The following LATS2 variants were observed in gnomAD, a reference collection of about 807,000 sequenced individuals.
LATS2 encodes the protein serine/threonine-protein kinase LATS2.
LATS2 carries 24 observed loss-of-function variants against 76.0 expected under a neutral mutation model. That is an observed-to-expected ratio of 0.32 (90% CI 0.23 to 0.44). The LOEUF (loss-of-function observed/expected upper bound fraction) is 0.44. LATS2 is among the 20% of genes least tolerant of loss of function. The pLI is 1.00. For missense variants in LATS2, 1,286 were observed against 1,481.2 expected (o/e 0.87, Z 2.16); for synonymous variants, 692 against 635.4 (o/e 1.09, Z -1.34).
intron 2 of LATS2, among the ~76,000 whole-genome samples, chr13:21,019,316 A>ATTC (rs1246498582): frequency 3.4e-5 from 5 of 146,248 alleles, no homozygotes; most frequent in Admixed American, 2.1e-4. Context: ...TATTATTATT[A>ATTC]TTATTATTAT....
intron 3 of LATS2, among the ~76,000 whole-genome samples, chr13:20,990,718 G>A (rs939946771): frequency 6.6e-6 from 1 of 152,000 alleles, no homozygotes; most frequent in Admixed American, 6.6e-5. Flanking sequence ...GCTCCATCTT[G>A]GGAAAGTAAC....
In LATS2 at chr13:20,973,805, G is replaced by GT. The variant is rs1276395223; in HGVS notation, c.*1064dup. Reference sequence around the variant, plus strand: ...GTGTGGGCAGTCTGTCAGTAAAAAGGTAAGTAGTAGGGTCAGAGGTATGGC... The same window carrying GT: ...GTGTGGGCAGTCTGTCAGTAAAAAGGTTAAGTAGTAGGGTCAGAGGTATGGC... On this transcript the variant is annotated 3_prime_UTR_variant, in exon 8 of 8. Transcript: ENST00000382592. 11 of 229,992 alleles carry GT rather than the reference G, an allele frequency of 4.8e-5. No homozygotes were observed. The highest frequency in any genetic ancestry group is 2.3e-4 in the Admixed American group (4 of 17,648). The allele number at this position is 229,992 out of a possible 1,614,324, so 14.2% of individuals were successfully genotyped here. A position where few individuals can be genotyped will look rare whatever the true frequency, so the allele number is the denominator to read the frequency against.
Position 20,988,621 on chromosome 13 carries a change from C to G in LATS2, c.1159G>C (p.Glu387Gln). Reference protein sequence around the residue: ...RRDSLQKPGLEAPPRAHVAFR... With the variant: ...RRDSLQKPGLQAPPRAHVAFR... ...GCCACGTGCGCGCGCGGCGGCGCCTCCAGGCCCGGCTTCTGCAGGGAGTCC... is the reference window on the plus strand; with the variant it reads ...GCCACGTGCGCGCGCGGCGGCGCCTGCAGGCCCGGCTTCTGCAGGGAGTCC... The change falls in exon 4 of 8, where the codon GAG (glutamate) becomes CAG (glutamine). Residue 387 changes from glutamate to glutamine, a missense_variant. Glu to Gln is a conservative substitution (Grantham distance 29). Transcript: ENST00000382592. 1 of 1,588,710 alleles carries G rather than the reference C, an allele frequency of 6.3e-7. No individual in the cohort carries two copies.
At chr13:21,040,568 G>C (rs1872842689) in intron 2 of LATS2, among the ~76,000 whole-genome samples, 1 of 152,174 alleles carries the variant, frequency 6.6e-6, no homozygotes, top group African/African-American at 2.4e-5. Flanking sequence ...ATATGTCAGA[G>C]AGACCCAAAG....
At chr13:21,020,401 C>G (rs1188378872) in intron 2 of LATS2, among the ~76,000 whole-genome samples, 1 of 152,188 alleles carries the variant, frequency 6.6e-6, no homozygotes, top group Non-Finnish European at 1.5e-5. Flanking sequence ...GAAAGAAAGC[C>G]AAAGCCTCAC....
chr13:21,017,201 C>T (rs998125520), intron 2 of LATS2, among the ~76,000 whole-genome samples: 4 of 152,186 alleles, frequency 2.6e-5, no homozygotes, highest in Non-Finnish European at 5.9e-5. Flanking sequence ...ATTAATCATC[C>T]AACTGTGCAG....
chr13:21,042,592 T>A lies in LATS2; in HGVS notation c.342+3093A>T, dbSNP rs892510781. On this transcript the variant is annotated intron_variant, in intron 2 of 7. Transcript: ENST00000382592. ...GTCCCAGCTACTTCAGAGGCTGAGG[T>A]AGGAGGATTGCTTGAGCCTGGAAGG... 2.0e-5 allele frequency among the ~76,000 whole-genome samples: 3 copies of A among 150,840 alleles called. No homozygotes were observed. In the South Asian group the frequency reaches 6.3e-4, roughly 32 times the overall value.
At chr13:21,024,649 C>T (rs1182332677) in intron 2 of LATS2, among the ~76,000 whole-genome samples, 1 of 147,358 alleles carries the variant, frequency 6.8e-6, no homozygotes, top group Non-Finnish European at 1.5e-5. Flanking sequence ...AAATGTAACT[C>T]GAGCCACATG....
intron 3 of LATS2, among the ~76,000 whole-genome samples, chr13:20,990,617 A>G (rs148832667): frequency 2.6e-5 from 4 of 152,210 alleles, no homozygotes; most frequent in African/African-American, 9.6e-5. Flanking sequence ...CAGGCCACAC[A>G]GTGTTGGGTT....
chr13:20,993,830 A>G (rs80292533), intron 2 of LATS2, among the ~76,000 whole-genome samples: 11,576 of 152,212 alleles, frequency 0.076, 935 homozygotes, highest in East Asian at 0.41. Context: ...AAGACACGAT[A>G]TAAGACCACA....
Position 20,983,330 on chromosome 13 carries a change from G to C in LATS2, c.2376C>G (p.Ile792Met). 1 of 1,614,104 alleles carries C rather than the reference G, an allele frequency of 6.2e-7. No individual in the cohort carries two copies. Among genetic ancestry groups the C allele is most frequent in the Non-Finnish European group, 8.5e-7 (1 of 1,179,984 alleles). The change falls in exon 5 of 8, where the codon ATC becomes ATG. Residue 792 changes from isoleucine to methionine, a missense_variant. Ile to Met is a conservative substitution (Grantham distance 10). Around this residue, in one of 5 missense-constraint regions of LATS2, gnomAD observed 247 missense variants for 385.4 expected, o/e 0.64. Coordinates refer to ENST00000382592, the MANE Select transcript of LATS2 (RefSeq NM_014572.3). ...GATCTATCAAAATGTTATCAGGCTT[G>C]ATGTCTCGGTGGATGAAGCCCATCT... ...VHKMGFIHRD[I>M]KPDNILIDLD... is the part of the protein sequence containing the mutation.
intron 2 of LATS2, among the ~76,000 whole-genome samples, chr13:21,035,801 C>T (rs916558869): frequency 7.9e-5 from 12 of 152,176 alleles, no homozygotes; most frequent in Admixed American, 6.5e-5. Flanking sequence ...CACCACAGCA[C>T]GCAAGTAGCC....
At chr13:21,013,825 G>T (rs1429172262) in intron 2 of LATS2, among the ~76,000 whole-genome samples, 1 of 152,044 alleles carries the variant, frequency 6.6e-6, no homozygotes, top group East Asian at 1.9e-4. Context: ...AAAGGAATTA[G>T]CCAGGTGTGA....
intron 2 of LATS2, among the ~76,000 whole-genome samples, chr13:21,022,783 T>G (rs1272871851): frequency 2.6e-5 from 4 of 152,118 alleles, no homozygotes; most frequent in African/African-American, 9.7e-5. Flanking sequence ...CTGGAGTGGG[T>G]ATAAACAGAG....
rs772096823 is a variant in LATS2 at position 20,975,137 on chromosome 13, C to T, written c.3000G>A (p.Ser1000=). 8 of 1,614,046 alleles carry T rather than the reference C, an allele frequency of 5.0e-6. No individual in the cohort carries two copies. Among genetic ancestry groups the T allele is most frequent in the African/African-American group, 1.3e-5 (1 of 74,928 alleles). The change falls in exon 8 of 8, where the codon TCG becomes TCA. Residue 1000 remains serine, a synonymous_variant. Coordinates refer to ENST00000382592, the MANE Select transcript of LATS2 (RefSeq NM_014572.3). Reference sequence around the variant, plus strand: ...TTTCTTCATCTACGGGGTCGAAATTCGAGGTGTCCATGGGGTGGCTGATGG... The same window carrying T: ...TTTCTTCATCTACGGGGTCGAAATTTGAGGTGTCCATGGGGTGGCTGATGG... ...VPTISHPMDT[S]NFDPVDEESP...
chr13:21,034,426 T>A (rs1317943120), intron 2 of LATS2, among the ~76,000 whole-genome samples: 1 of 151,142 alleles, frequency 6.6e-6, no homozygotes, highest in Admixed American at 6.6e-5. Context: ...ACCGGGGAGG[T>A]GTTGGGGAAG....
intron 2 of LATS2, among the ~76,000 whole-genome samples, chr13:21,007,699 AG>A (rs1336892723): frequency 0.026 from 15 of 580 alleles, 4 homozygotes; most frequent in African/African-American, 0.029. Context: ...ATATATATAT[AG>A]TATGTATATA....
intron 2 of LATS2, among the ~76,000 whole-genome samples, chr13:21,014,987 C>G (rs951977581): frequency 1.2e-4 from 18 of 152,184 alleles, no homozygotes; most frequent in African/African-American, 4.3e-4. Flanking sequence ...GGAGGGCAGG[C>G]CAGGCCTAGT....
At chr13:20,995,665 A>G (rs138804474) in intron 2 of LATS2, among the ~76,000 whole-genome samples, 208 of 152,352 alleles carry the variant, frequency 1.4e-3, no homozygotes, top group African/African-American at 4.8e-3. Context: ...TGTGTGGAAG[A>G]TGGAGATAAG....
Sources: allele counts gnomAD v4.1 joint callset (sites outside exome capture counted in the v4.1 genomes callset), GRCh38; gene constraint gnomAD v4.1.1; regional missense constraint gnomAD v4.1.1; transcripts MANE v1.5; gene names NCBI Gene and HGNC (gene_info 2026-07-23, HGNC 2026-07-21).